The following GABRG3 variants were observed in gnomAD, a reference collection of about 807,000 sequenced individuals.
GABRG3 encodes gamma-aminobutyric acid receptor subunit gamma-3.
In GABRG3, 25 loss-of-function variants were observed where a neutral mutation model predicts 48.8. The observed-to-expected ratio is 0.51, with a 90% CI of 0.37 to 0.72. GABRG3 has a LOEUF of 0.72. Ranked by LOEUF, GABRG3 falls within the 30% of genes least tolerant of loss-of-function variation. The pLI is 0.00. For missense variants in GABRG3, 394 were observed against 577.9 expected, an observed-to-expected ratio of 0.68 and a Z score of 3.26; for synonymous variants, 227 against 217.6, an observed-to-expected ratio of 1.04 and a Z score of -0.38.
chr15:27,415,754 A>G (rs1887922701), intron 5 of GABRG3, among the ~76,000 whole-genome samples: 1 of 152,202 alleles, frequency 6.6e-6, no homozygotes, highest in Non-Finnish European at 1.5e-5. Context: ...TGTGAAAGGA[A>G]AACTTAAGAC....
chr15:27,084,839 C>T (rs1897049903), intron 3 of GABRG3, among the ~76,000 whole-genome samples: 1 of 152,202 alleles, frequency 6.6e-6, no homozygotes, highest in Non-Finnish European at 1.5e-5. Flanking sequence ...TGAAGAGCTG[C>T]TTCCTGGGCT....
intron 5 of GABRG3, among the ~76,000 whole-genome samples, chr15:27,332,849 A>C (rs2140522608): frequency 6.6e-6 from 1 of 152,272 alleles, no homozygotes; most frequent in Non-Finnish European, 1.5e-5. Context: ...ACTATATAAC[A>C]TGTTTGGGTA....
chr15:27,051,809 G>T (rs1896460223), intron 3 of GABRG3, among the ~76,000 whole-genome samples: 2 of 152,196 alleles, frequency 1.3e-5, no homozygotes, highest in African/African-American at 4.8e-5. Context: ...CCATCATGTA[G>T]AATCAGTGGA....
In GABRG3 at chr15:26,975,065, C is replaced by T. The variant is rs376109623; in HGVS notation, c.54-1937C>T. Among the ~76,000 whole-genome samples, 258 of 151,748 alleles carry T rather than the reference C, an allele frequency of 1.7e-3. 4 individuals are homozygous for T. The highest frequency in any genetic ancestry group is 5.9e-3 in the African/African-American group (245 of 41,388). ...ATTTTTTTTGTATTTTTAGTAGAGA[C>T]GGGGTTTCACCCTGTTGGCCAGGCT... On this transcript the variant is annotated intron_variant, in intron 1 of 9. Transcript: ENST00000615808. This position sits in a 1 kb window ranked among gnomAD's most constrained non-coding sequence, Gnocchi z 4.6.
chr15:27,206,799 A>T (rs572666533), intron 3 of GABRG3, among the ~76,000 whole-genome samples: 1 of 152,148 alleles, frequency 6.6e-6, no homozygotes, highest in Non-Finnish European at 1.5e-5. Context: ...CTTTATTATT[A>T]GGTAATATCC....
intron 5 of GABRG3, among the ~76,000 whole-genome samples, chr15:27,375,481 G>A (rs1895564524): frequency 6.6e-6 from 1 of 152,162 alleles, no homozygotes; most frequent in Non-Finnish European, 1.5e-5. Context: ...GAGGGCATAA[G>A]GCCTGGGGCC....
At chr15:27,507,539 CAAAT>C (rs949354783) in intron 6 of GABRG3, among the ~76,000 whole-genome samples, 1 of 151,834 alleles carries the variant, frequency 6.6e-6, no homozygotes, top group African/African-American at 2.4e-5. Flanking sequence ...AATAAATAAA[CAAAT>C]AAATATGTTA....
rs928616704 is a variant in GABRG3, at chr15:26,974,614, C to A, written c.54-2388C>A. On this transcript the variant is annotated intron_variant, in intron 1 of 9. Transcript: ENST00000615808. The surrounding 1 kb of genome is among the most constrained non-coding windows in gnomAD (Gnocchi z 4.3). The stretch of plus-strand genomic sequence containing the variant: ...GGAGGAAGGCACCTGGGCTGAGTCG[C>A]CAAGTGTCCTGAGCATGTTGTGCCT... 6.6e-6 allele frequency among the ~76,000 whole-genome samples: 1 copy of A among 151,700 alleles called. No homozygotes were observed. Among genetic ancestry groups the A allele is most frequent in the Non-Finnish European group, 1.5e-5 (1 of 67,954 alleles).
chr15:27,228,979 C>G (rs1034341538), intron 3 of GABRG3, among the ~76,000 whole-genome samples: 1 of 152,146 alleles, frequency 6.6e-6, no homozygotes, highest in Non-Finnish European at 1.5e-5. Flanking sequence ...TTGTCAGATG[C>G]ATAGTTTGCA....
At chr15:27,035,130 A>T (rs1896153989) in intron 3 of GABRG3, among the ~76,000 whole-genome samples, 1 of 152,228 alleles carries the variant, frequency 6.6e-6, no homozygotes, top group Non-Finnish European at 1.5e-5. Context: ...AGAAGAAGAG[A>T]ACCCAGGTGG....
At chr15:27,073,342 C>G (rs1896858324) in intron 3 of GABRG3, among the ~76,000 whole-genome samples, 1 of 152,230 alleles carries the variant, frequency 6.6e-6, no homozygotes, top group East Asian at 1.9e-4. Context: ...CCAGGACCTC[C>G]AGTGAGGTGT....
rs138008839 is a variant in GABRG3 at position 27,444,528 on chromosome 15, A to G, written c.575-36122A>G. On this transcript the variant is annotated intron_variant, in intron 5 of 9. Transcript: ENST00000615808. ...AAGTTTCTGTATCTTTATGTTTTAA[A>G]TATGTTTCTTGAAAATAGTATATTG... Among the ~76,000 whole-genome samples, 801 of 152,238 alleles carry G rather than the reference A, an allele frequency of 5.3e-3. 6 individuals are homozygous for G. Among genetic ancestry groups the G allele is most frequent in the African/African-American group, 0.018 (751 of 41,566 alleles).
At chr15:27,152,582 A>G (rs1898337133) in intron 3 of GABRG3, among the ~76,000 whole-genome samples, 1 of 152,204 alleles carries the variant, frequency 6.6e-6, no homozygotes, top group South Asian at 2.1e-4. Flanking sequence ...GAGAATTCAT[A>G]TCTGTATTAT....
chr15:27,520,006 G>A lies in GABRG3; in HGVS notation c.747G>A (p.Leu249=). 6.3e-7 allele frequency: 1 copy of A among 1,577,232 alleles called. No individual in the cohort carries two copies. The highest frequency in any genetic ancestry group is 8.6e-7 in the Non-Finnish European group (1 of 1,159,174). Residue 249 remains leucine (L), a synonymous_variant, in exon 7 of 10, where the codon TTG becomes TTA. Transcript: ENST00000615808. ...DYVVMTIYFE[L]SRRMGYFTIQ... Reference sequence around the variant, plus strand: ...TTGTCATGACTATATATTTTGAATTGAGTAGAAGAATGGGATACTTCACCA... The same window carrying A: ...TTGTCATGACTATATATTTTGAATTAAGTAGAAGAATGGGATACTTCACCA...
chr15:27,042,782 G>A (rs575374630), intron 3 of GABRG3, among the ~76,000 whole-genome samples: 14 of 152,342 alleles, frequency 9.2e-5, no homozygotes, highest in Admixed American at 2.6e-4. Context: ...GACTCTCACC[G>A]TCGGGTCTGA....
intron 3 of GABRG3, among the ~76,000 whole-genome samples, chr15:27,229,459 G>T (rs371494289): frequency 0.15 from 22,290 of 150,918 alleles, 2,055 homozygotes; most frequent in East Asian, 0.4. Flanking sequence ...TTTTTTGTGT[G>T]TGTGTGTGTG....
intron 5 of GABRG3, among the ~76,000 whole-genome samples, chr15:27,463,588 C>T (rs1302689287): frequency 6.6e-6 from 1 of 152,178 alleles, no homozygotes; most frequent in Non-Finnish European, 1.5e-5. Flanking sequence ...ATATTGAAAC[C>T]ATGCTGTGTG....
intron 3 of GABRG3, among the ~76,000 whole-genome samples, chr15:27,211,928 T>C (rs1373285095): frequency 2.6e-5 from 4 of 152,220 alleles, no homozygotes; most frequent in Non-Finnish European, 5.9e-5. Flanking sequence ...AACTAGTTCT[T>C]GTTTGCTGTT....
At position 27,464,784 on chromosome 15, in the gene GABRG3, TGCC is replaced by T. The variant is rs1410788332; in HGVS notation, c.575-15865_575-15863del. Among the ~76,000 whole-genome samples the T allele has an allele frequency of 2.0e-4, 30 of 152,360 alleles. No homozygotes were observed. In the East Asian group the frequency reaches 5.0e-3, roughly 25 times the overall value. On this transcript the variant is annotated intron_variant, in intron 5 of 9. Transcript: ENST00000615808. ...TTTAAAAAATTCTATTTAAATTCTTTGCCCATTTTTAAATGGACTATTTGTCTT... is the reference window on the plus strand; with the variant it reads ...TTTAAAAAATTCTATTTAAATTCTTTCATTTTTAAATGGACTATTTGTCTT...
Sources: allele counts gnomAD v4.1 joint callset (sites outside exome capture counted in the v4.1 genomes callset), GRCh38; gene constraint gnomAD v4.1.1; non-coding constraint Gnocchi (gnomAD v3.1); transcripts MANE v1.5; gene names NCBI Gene and HGNC (gene_info 2026-07-23, HGNC 2026-07-21).